The following DCLK2 variants were observed in gnomAD, a reference collection of about 807,000 sequenced individuals.
The protein encoded by DCLK2 is doublecortin like kinase 2.
A neutral mutation model predicts 78.4 loss-of-function variants in DCLK2; 31 were observed. That is an observed-to-expected ratio of 0.40 (90% CI 0.30 to 0.53). The LOEUF is 0.53. Ranked by LOEUF, DCLK2 falls within the 20% of genes least tolerant of loss-of-function variation. DCLK2 has a pLI of 0.61. For synonymous variants in DCLK2, 407 were observed against 374.9 expected (o/e 1.09, Z -0.99); for missense variants, 872 against 973.7 (o/e 0.90, Z 1.39).
At chr4:150,105,233 GT>G (rs2150157612) in intron 2 of DCLK2, among the ~76,000 whole-genome samples, 2 of 152,254 alleles carry the variant, frequency 1.3e-5, no homozygotes, top group African/African-American at 4.8e-5. Flanking sequence ...AAAGTGTAAG[GT>G]TGAATGGACA....
chr4:150,123,489 C>G (rs555030670), intron 2 of DCLK2, among the ~76,000 whole-genome samples: 5 of 152,158 alleles, frequency 3.3e-5, no homozygotes, highest in South Asian at 4.2e-4. Context: ...GTAGTAACAT[C>G]AAAAAATATC....
intron 1 of DCLK2, among the ~76,000 whole-genome samples, chr4:150,089,015 G>T (rs1237530043): frequency 6.6e-6 from 1 of 152,032 alleles, no homozygotes; most frequent in Non-Finnish European, 1.5e-5. Context: ...TCCGTTCTGT[G>T]GTGTAAAGAT....
At chr4:150,251,761 C>CA (rs1407269909) in intron 15 of DCLK2, among the ~76,000 whole-genome samples, 1 of 129,778 alleles carries the variant, frequency 7.7e-6, no homozygotes, top group Admixed American at 7.8e-5. Context: ...ATTCCCCACA[C>CA]ACCCCACACA....
intron 5 of DCLK2, among the ~76,000 whole-genome samples, chr4:150,214,374 G>C (rs1740522269): frequency 6.6e-6 from 1 of 152,130 alleles, no homozygotes; most frequent in Non-Finnish European, 1.5e-5. Flanking sequence ...GGAAAGAATG[G>C]CTGCTTTATA....
intron 2 of DCLK2, among the ~76,000 whole-genome samples, chr4:150,140,271 T>G (rs1052483391): frequency 1.3e-5 from 2 of 152,226 alleles, no homozygotes; most frequent in Admixed American, 6.5e-5. Flanking sequence ...CCTTGGAATT[T>G]GAGCTTCTAC....
intron 12 of DCLK2, among the ~76,000 whole-genome samples, chr4:150,245,427 G>C (rs1165779997): frequency 6.6e-6 from 1 of 151,542 alleles, no homozygotes; most frequent in Admixed American, 6.6e-5. Flanking sequence ...GTGCAGGTTT[G>C]TTACATATGT....
intron 2 of DCLK2, among the ~76,000 whole-genome samples, chr4:150,107,378 G>GGTTTTT (rs535824608): frequency 3.2e-5 from 4 of 125,174 alleles, no homozygotes; most frequent in Non-Finnish European, 3.3e-5. Flanking sequence ...TTTGGTTATT[G>GGTTTTT]TTTTTTTTTT....
chr4:150,138,755 C>T (rs748125237), intron 2 of DCLK2, among the ~76,000 whole-genome samples: 11 of 152,070 alleles, frequency 7.2e-5, no homozygotes, highest in Admixed American at 5.2e-4. Context: ...CAACCTCTGC[C>T]TCCTGGGTTC....
At chr4:150,235,565 C>T (rs942562320) in intron 10 of DCLK2, among the ~76,000 whole-genome samples, 2 of 152,116 alleles carry the variant, frequency 1.3e-5, no homozygotes, top group Non-Finnish European at 2.9e-5. Flanking sequence ...ATAAAACTGA[C>T]CTCTGGAAGA....
Position 150,256,228 on chromosome 4 carries a change from GGCGCC to G in DCLK2, c.2285_2289del (p.Arg762ProfsTer129). On this transcript the variant is annotated frameshift_variant, in exon 16 of 16. Transcript: ENST00000296550. LOFTEE classifies it high-confidence loss of function. The stretch of plus-strand genomic sequence containing the variant: ...CCGGGTGGTGAGCGGGCAGGAACCT[GGCGCC>G]GCCACCGAGACTGAGCCTCCTGCAG... The G allele has an allele frequency of 6.6e-7, 1 of 1,521,306 alleles. No homozygotes were observed. The highest frequency in any genetic ancestry group is 8.8e-7 in the Non-Finnish European group (1 of 1,135,688). 94.2% of individuals were successfully genotyped at this position (1,521,306 alleles called of 1,614,324 possible).
At chr4:150,248,161 G>A in intron 13 of DCLK2, 144 bp from the exon 14 acceptor site, 1 of 658,480 alleles carries the variant, frequency 1.5e-6, no homozygotes, top group Admixed American at 2.4e-5. Flanking sequence ...AGGAGAGTAG[G>A]TATAATCACG....
intron 1 of DCLK2, among the ~76,000 whole-genome samples, chr4:150,082,042 A>G (rs1219293696): frequency 1.3e-5 from 2 of 151,978 alleles, no homozygotes; most frequent in Non-Finnish European, 2.9e-5. Context: ...AAGAATCACG[A>G]ATGCTTACTG....
chr4:150,191,710 C>T (rs1417348775), intron 2 of DCLK2, among the ~76,000 whole-genome samples: 3 of 152,140 alleles, frequency 2.0e-5, no homozygotes, highest in Non-Finnish European at 2.9e-5. Flanking sequence ...AGGCAGTCTC[C>T]ATGCCTGTTT....
At chr4:150,190,659 T>A (rs1445079748) in intron 2 of DCLK2, among the ~76,000 whole-genome samples, 1 of 151,788 alleles carries the variant, frequency 6.6e-6, no homozygotes, top group Non-Finnish European at 1.5e-5. Flanking sequence ...TTATGGGGAG[T>A]GACTGCTAAT....
intron 2 of DCLK2, among the ~76,000 whole-genome samples, chr4:150,180,810 G>C (rs965199880): frequency 6.6e-6 from 1 of 152,060 alleles, no homozygotes; most frequent in Non-Finnish European, 1.5e-5. Flanking sequence ...TTTCCCCAAG[G>C]CCAGCCATAA....
At chr4:150,237,793 C>G (rs1438834344) in intron 10 of DCLK2, among the ~76,000 whole-genome samples, 1 of 152,096 alleles carries the variant, frequency 6.6e-6, no homozygotes, top group Non-Finnish European at 1.5e-5. Context: ...CGATAAATAT[C>G]TGGTTCAGCA....
rs150607068 is a variant in DCLK2, at chr4:150,228,338, T to TTC, written c.1299+3789_1299+3790dup. ...GAAATCACGTGGTGATTTGTACATT[T>TTC]TCTCTCTCTCACCACTTTCTCCTCA... On this transcript the variant is annotated intron_variant, in intron 8 of 15. Transcript: ENST00000296550. Among the ~76,000 whole-genome samples the TTC allele has an allele frequency of 6.2e-3, 945 of 152,300 alleles. 11 individuals are homozygous for TTC. The highest frequency in any genetic ancestry group is 0.022 in the African/African-American group (920 of 41,560).
At chr4:150,215,221 G>A (rs1376468097) in intron 5 of DCLK2, among the ~76,000 whole-genome samples, 1 of 152,080 alleles carries the variant, frequency 6.6e-6, no homozygotes, top group Non-Finnish European at 1.5e-5. Flanking sequence ...CAAATGTGGG[G>A]GATGAGTTTC....
chr4:150,166,316 C>A (rs1736069877), intron 2 of DCLK2, among the ~76,000 whole-genome samples: 2 of 151,042 alleles, frequency 1.3e-5, no homozygotes, highest in South Asian at 4.2e-4. Flanking sequence ...ATAGCGGGAC[C>A]CCATCTCTAC....
Sources: allele counts gnomAD v4.1 joint callset (sites outside exome capture counted in the v4.1 genomes callset), GRCh38; gene constraint gnomAD v4.1.1; transcripts MANE v1.5; gene names NCBI Gene and HGNC (gene_info 2026-07-23, HGNC 2026-07-21).